Variants in OSBPL9 observed in about 807,000 individuals in gnomAD.
OSBPL9 encodes the protein oxysterol-binding protein-related protein 9.
In OSBPL9, 40 loss-of-function variants were observed where a neutral mutation model predicts 106.6. The observed-to-expected ratio is 0.38, with a 90% CI of 0.29 to 0.49. The LOEUF is 0.49. OSBPL9 is among the 20% of genes least tolerant of loss of function. The probability of loss-of-function intolerance (pLI) is 0.97; values close to 1 mark genes in which losing one functional copy is unlikely to be tolerated. For missense variants in OSBPL9, 609 were observed against 887.2 expected, an observed-to-expected ratio of 0.69 and a Z score of 3.98; for synonymous variants, 269 against 295.4, an observed-to-expected ratio of 0.91 and a Z score of 0.92.
At chr1:51,607,844 A>G (rs1276280654) in intron 2 of OSBPL9, among the ~76,000 whole-genome samples, 1 of 152,218 alleles carries the variant, frequency 6.6e-6, no homozygotes. Flanking sequence ...TTATTAAAAA[A>G]TTTTAGAGGA....
chr1:51,736,297 A>G (rs1465012370), intron 4 of OSBPL9, among the ~76,000 whole-genome samples: 1 of 152,166 alleles, frequency 6.6e-6, no homozygotes, highest in African/African-American at 2.4e-5. Context: ...TCTGGTACTC[A>G]TTGGCAGCTA....
chr1:51,645,613 T>C (rs950289598), intron 1 of OSBPL9, among the ~76,000 whole-genome samples: 17 of 152,062 alleles, frequency 1.1e-4, no homozygotes, highest in African/African-American at 4.1e-4. Flanking sequence ...TAGTGTTCTT[T>C]AAGGACAAAT....
rs1651626442 is a variant in OSBPL9 at position 51,677,778 on chromosome 1, G to C, written c.241+8266G>C. 1.3e-5 allele frequency among the ~76,000 whole-genome samples: 2 copies of C among 152,050 alleles called. 1 individual carries two copies. Among genetic ancestry groups the C allele is most frequent in the Admixed American group, 1.3e-4 (2 of 15,264 alleles). On this transcript the variant is annotated intron_variant, in intron 3 of 23. Coordinates refer to ENST00000428468, the MANE Select transcript of OSBPL9 (RefSeq NM_024586.6). ...ATTGTCCAGGCTGGTCTTGAACTCT[G>C]GACCTTGTGATCCACCCGCCTCGGC...
At chr1:51,780,086 A>G (rs1277035233) in intron 15 of OSBPL9, among the ~76,000 whole-genome samples, 1 of 151,762 alleles carries the variant, frequency 6.6e-6, no homozygotes, top group East Asian at 1.9e-4. Context: ...TCAAAAAGAA[A>G]AAAAAAAAAA....
chr1:51,575,224 G>T (rs542391319), upstream of OSBPL9, among the ~76,000 whole-genome samples: 24 of 151,818 alleles, frequency 1.6e-4, no homozygotes, highest in Non-Finnish European at 3.4e-4. Context: ...TTTTTGAGAC[G>T]GAGTCTTGCT....
chr1:51,670,186 T>G (rs1173970870), intron 3 of OSBPL9, among the ~76,000 whole-genome samples: 3 of 152,216 alleles, frequency 2.0e-5, no homozygotes, highest in Non-Finnish European at 4.4e-5. Context: ...CAAATAAAAG[T>G]CAATTTTAAT....
intron 1 of OSBPL9, among the ~76,000 whole-genome samples, chr1:51,621,970 GTCTC>G (rs1408859541): frequency 6.6e-6 from 1 of 151,736 alleles, no homozygotes; most frequent in South Asian, 2.1e-4. Flanking sequence ...ATGTTAGCTT[GTCTC>G]TCTATGATGT....
intron 10 of OSBPL9, 67 bp from the exon 11 acceptor site, chr1:51,761,800 A>T: frequency 8.2e-7 from 1 of 1,218,848 alleles, no homozygotes. Flanking sequence ...AATCCCAGAC[A>T]ATTACAGTCA....
intron 12 of OSBPL9, among the ~76,000 whole-genome samples, chr1:51,770,190 G>A (rs1673553746): frequency 6.7e-6 from 1 of 150,116 alleles, no homozygotes; most frequent in Non-Finnish European, 1.5e-5. Flanking sequence ...AACTGGAGCT[G>A]GAGTGCAGAG....
At chr1:51,618,727 T>C (rs1644241291) in intron 1 of OSBPL9, among the ~76,000 whole-genome samples, 1 of 152,202 alleles carries the variant, frequency 6.6e-6, no homozygotes, top group African/African-American at 2.4e-5. Flanking sequence ...TCCTAATAAC[T>C]CTGCAAGGTG....
intron 1 of OSBPL9, among the ~76,000 whole-genome samples, chr1:51,649,518 T>C (rs947374949): frequency 3.9e-5 from 6 of 152,176 alleles, no homozygotes; most frequent in African/African-American, 1.4e-4. Context: ...TTCGCTGATG[T>C]TGTTTCCTTG....
rs1221588757 is a variant in OSBPL9 at position 51,781,255 on chromosome 1, G to A, written c.1348G>A (p.Ala450Thr). 1 of 1,614,020 alleles carries A rather than the reference G, an allele frequency of 6.2e-7. No homozygotes were observed. The highest frequency in any genetic ancestry group is 8.5e-7 in the Non-Finnish European group (1 of 1,180,006). The change falls in exon 16 of 24, where the codon GCC (alanine) becomes ACC (threonine). Residue 450 changes from alanine (A) to threonine (T), a missense_variant. By Grantham distance (58) the Ala-to-Thr change is moderately conservative. Transcript: ENST00000428468. The part of the protein sequence containing the change: ...AFHAGRKGSV[A>T]KKPYNPILGE... ...TCATGCGGGAAGGAAAGGATCAGTT[G>A]CCAAAAAGCCATACAATCCCATTTT...
At chr1:51,547,843 C>T in the OSBPL9 span, among the ~76,000 whole-genome samples, 1 of 151,530 alleles carries the variant, frequency 6.6e-6, no homozygotes, top group Non-Finnish European at 1.5e-5. Flanking sequence ...AGAGTGAGAT[C>T]CTATCTCAAA....
At chr1:51,723,758 A>C (rs979772935) in intron 4 of OSBPL9, among the ~76,000 whole-genome samples, 1 of 152,174 alleles carries the variant, frequency 6.6e-6, no homozygotes, top group African/African-American at 2.4e-5. Flanking sequence ...TCACCTACTG[A>C]AGAATATCTT....
At chr1:51,686,365 G>A (rs1473462503) in intron 3 of OSBPL9, among the ~76,000 whole-genome samples, 5 of 152,150 alleles carry the variant, frequency 3.3e-5, no homozygotes, top group Non-Finnish European at 7.4e-5. Context: ...TTCATCACAT[G>A]GTGCTGCTTG....
intron 18 of OSBPL9, 94 bp downstream of exon 18, chr1:51,784,119 T>G (rs1005362208): frequency 1.4e-6 from 2 of 1,394,528 alleles, no homozygotes; most frequent in Non-Finnish European, 2.0e-6. Flanking sequence ...TAAGCATTGG[T>G]ATTGGGGGTG....
intron 2 of OSBPL9, among the ~76,000 whole-genome samples, chr1:51,664,286 A>G (rs1345375251): frequency 6.6e-6 from 1 of 152,230 alleles, no homozygotes; most frequent in Non-Finnish European, 1.5e-5. Flanking sequence ...ATAGCAATAA[A>G]AGTGAACAAA....
At chr1:51,577,870 G>T (rs953069102) in intron 1 of OSBPL9, among the ~76,000 whole-genome samples, 1 of 152,096 alleles carries the variant, frequency 6.6e-6, no homozygotes, top group African/African-American at 2.4e-5. Context: ...GCTCAGACCC[G>T]GTTCTAGGTA....
At chr1:51,772,204 A>C in intron 13 of OSBPL9, 22 bp downstream of exon 13, 3 of 1,582,544 alleles carry the variant, frequency 1.9e-6, no homozygotes, top group Non-Finnish European at 8.6e-7. Context: ...TTGATAATTT[A>C]ACTTTTTTTT....
Sources: gnomAD v4.1 joint callset for allele counts (sites outside exome capture counted in the v4.1 genomes callset) on GRCh38, gnomAD v4.1.1 for gene constraint, MANE v1.5 for transcripts, NCBI Gene and HGNC (gene_info 2026-07-23, HGNC 2026-07-21) for gene names.